Variants in DLG2 observed in about 807,000 individuals in gnomAD.
The protein encoded by DLG2 is discs large MAGUK scaffold protein 2.
A neutral mutation model predicts 132.5 loss-of-function variants in DLG2; 45 were observed. The ratio of observed to expected loss-of-function variants is 0.34; its 90% confidence interval spans 0.27 to 0.44. The LOEUF is 0.44. Ranked by LOEUF, DLG2 falls within the 20% of genes least tolerant of loss-of-function variation. The pLI, the probability that DLG2 is intolerant of heterozygous loss-of-function variation, is 1.00. For missense variants in DLG2, 1,045 were observed against 1,196.9 expected (o/e 0.87, Z 1.87); for synonymous variants, 424 against 419.6 (o/e 1.01, Z -0.13).
chr11:85,270,079 T>C (rs1051020070), intron 4 of DLG2, among the ~76,000 whole-genome samples: 5 of 152,160 alleles, frequency 3.3e-5, no homozygotes, highest in African/African-American at 7.2e-5. Context: ...GTAGAATGGA[T>C]GAGTGAATAC....
At chr11:84,610,338 T>A (rs1172821870) in intron 6 of DLG2, among the ~76,000 whole-genome samples, 2 of 152,134 alleles carry the variant, frequency 1.3e-5, no homozygotes, top group African/African-American at 4.8e-5. Context: ...AAATATTTTT[T>A]AAAAATTTTT....
At chr11:84,135,553 T>C (rs2094570425) in intron 9 of DLG2, among the ~76,000 whole-genome samples, 1 of 152,004 alleles carries the variant, frequency 6.6e-6, no homozygotes, top group Non-Finnish European at 1.5e-5. Flanking sequence ...AGTTCACATA[T>C]GAAGTTTGAG....
chr11:85,270,126 C>T (rs1378631917), intron 4 of DLG2, among the ~76,000 whole-genome samples: 1 of 152,012 alleles, frequency 6.6e-6, no homozygotes, highest in Non-Finnish European at 1.5e-5. Context: ...TGGCTGTGTC[C>T]CCACCCAAAT....
intron 7 of DLG2, among the ~76,000 whole-genome samples, chr11:84,418,098 C>A (rs548958170): frequency 6.6e-6 from 1 of 152,086 alleles, no homozygotes; most frequent in Non-Finnish European, 1.5e-5. Flanking sequence ...CCATTTAGAG[C>A]GTAGTGATTG....
intron 8 of DLG2, among the ~76,000 whole-genome samples, chr11:84,171,238 A>G (rs1224390633): frequency 6.6e-6 from 1 of 152,132 alleles, no homozygotes; most frequent in African/African-American, 2.4e-5. Context: ...TTTTTATCAT[A>G]TTTCGCTATA....
intron 11 of DLG2, among the ~76,000 whole-genome samples, chr11:84,049,492 T>C (rs994233499): frequency 6.6e-6 from 1 of 151,758 alleles, no homozygotes; most frequent in Non-Finnish European, 1.5e-5. Flanking sequence ...CCATTCCTTT[T>C]CCCCTTGCCA....
intron 6 of DLG2, among the ~76,000 whole-genome samples, chr11:84,875,011 C>T (rs58613335): frequency 0.043 from 5,652 of 132,836 alleles, 166 homozygotes; most frequent in African/African-American, 0.085. Flanking sequence ...CAGACCAATA[C>T]TTCATCTCAA....
intron 6 of DLG2, among the ~76,000 whole-genome samples, chr11:85,104,595 G>A (rs893809342): frequency 6.6e-5 from 10 of 151,750 alleles, no homozygotes; most frequent in African/African-American, 2.4e-4. Context: ...GTTTCTTTTA[G>A]GGTCATAAAA....
Position 83,494,898 on chromosome 11 carries a change from T to A in DLG2, c.2194-10670A>T, listed in dbSNP as rs1050372937. Among the ~76,000 whole-genome samples, 6 of 152,254 alleles carry A rather than the reference T, an allele frequency of 3.9e-5. No homozygotes were observed. The East Asian group carries it at 9.7e-4, about 24-fold the overall frequency. On this transcript the variant is annotated intron_variant, in intron 21 of 27. Coordinates refer to ENST00000376104, the MANE Select transcript of DLG2 (RefSeq NM_001142699.3). ...ATAGGCCACATGCAGCTAAACCACA[T>A]GAAGAACTAGAATAGAAGATTCAAA... is the stretch of plus-strand genomic sequence containing the variant.
At chr11:85,581,452 T>C (rs1370963657) in intron 3 of DLG2, among the ~76,000 whole-genome samples, 1 of 146,724 alleles carries the variant, frequency 6.8e-6, no homozygotes, top group Non-Finnish European at 1.5e-5. Context: ...TCTACTAAAA[T>C]ACAAAAAAAA....
chr11:85,079,648 G>A (rs1162895327), intron 6 of DLG2, among the ~76,000 whole-genome samples: 1 of 152,242 alleles, frequency 6.6e-6, no homozygotes, highest in East Asian at 1.9e-4. Flanking sequence ...CTATGGCCAA[G>A]TGACTTTGAG....
intron 6 of DLG2, among the ~76,000 whole-genome samples, chr11:84,763,595 A>G (rs2067964205): frequency 6.6e-6 from 1 of 151,976 alleles, no homozygotes; most frequent in Non-Finnish European, 1.5e-5. Flanking sequence ...CATTTTTTCT[A>G]TCTGGGGTCA....
In DLG2 at chr11:85,221,408, G is replaced by C. The variant is rs372631022; in HGVS notation, c.186+63812C>G. ...TCAATCAGAGAATATTAGACAGATA[G>C]ACATAGAGTATTAGACAGATAGAAT... On this transcript the variant is annotated intron_variant, in intron 4 of 27. Coordinates refer to ENST00000376104, the MANE Select transcript of DLG2 (RefSeq NM_001142699.3). Among the ~76,000 whole-genome samples, 19 of 152,248 alleles carry C rather than the reference G, an allele frequency of 1.2e-4. No individual in the cohort carries two copies. In the East Asian group the frequency reaches 3.5e-3, roughly 28 times the overall value.
chr11:85,278,093 C>G (rs374326120), intron 4 of DLG2, among the ~76,000 whole-genome samples: 1 of 152,182 alleles, frequency 6.6e-6, no homozygotes, highest in Non-Finnish European at 1.5e-5. Context: ...CCTACTAATC[C>G]TAAATGTTCA....
chr11:84,847,411 C>T (rs887920892), intron 6 of DLG2, among the ~76,000 whole-genome samples: 11 of 152,102 alleles, frequency 7.2e-5, no homozygotes, highest in Non-Finnish European at 1.3e-4. Flanking sequence ...AGGAAGAATA[C>T]TGAAATTGTC....
Position 85,576,216 on chromosome 11 carries a change from C to T in DLG2, c.40+22441G>A, listed in dbSNP as rs11820491. On this transcript the variant is annotated intron_variant, in intron 3 of 27. Coordinates refer to ENST00000376104, the MANE Select transcript of DLG2 (RefSeq NM_001142699.3). ...AAATATCATATTTTTATATTATCAG[C>T]AGTAACCTCAAAAAGGAACAGAACA... Among the ~76,000 whole-genome samples the T allele has an allele frequency of 9.7e-3, 1,484 of 152,234 alleles. 25 individuals carry two copies. The highest frequency in any genetic ancestry group is 0.032 in the African/African-American group (1,326 of 41,550).
At chr11:84,243,035 A>ATG (rs2097256101) in intron 8 of DLG2, among the ~76,000 whole-genome samples, 3 of 144,354 alleles carry the variant, frequency 2.1e-5, no homozygotes, top group Non-Finnish European at 4.5e-5. Flanking sequence ...ATATATATAT[A>ATG]TATACACTCT....
intron 8 of DLG2, among the ~76,000 whole-genome samples, chr11:84,230,238 T>C (rs2097072104): frequency 6.6e-6 from 1 of 152,186 alleles, no homozygotes; most frequent in African/African-American, 2.4e-5. Context: ...AGATACAACC[T>C]ACTAGGAGCC....
chr11:85,260,668 T>C (rs1377344134), intron 4 of DLG2, among the ~76,000 whole-genome samples: 1 of 152,236 alleles, frequency 6.6e-6, no homozygotes, highest in Non-Finnish European at 1.5e-5. Flanking sequence ...AAACCCATAC[T>C]TCTATGCAGG....
Sources: allele counts gnomAD v4.1 joint callset (sites outside exome capture counted in the v4.1 genomes callset), GRCh38; gene constraint gnomAD v4.1.1; transcripts MANE v1.5; gene names NCBI Gene and HGNC (gene_info 2026-07-23, HGNC 2026-07-21).